Variants in USP42 observed in about 807,000 individuals in gnomAD.
The protein encoded by USP42 is ubiquitin carboxyl-terminal hydrolase 42.
A neutral mutation model predicts 113.0 loss-of-function variants in USP42; 23 were observed. That is an observed-to-expected ratio of 0.20 (90% CI 0.15 to 0.29). The LOEUF is 0.29. USP42 is among the 10% of genes least tolerant of loss of function. The pLI is 1.00. For synonymous variants in USP42, 933 were observed against 699.0 expected, an observed-to-expected ratio of 1.33 and a Z score of -5.28; for missense variants, 2,174 against 1,779.8, an observed-to-expected ratio of 1.22 and a Z score of -3.99.
At chr7:6,143,830 A>C (rs1480860255) in intron 8 of USP42, among the ~76,000 whole-genome samples, 1 of 152,106 alleles carries the variant, frequency 6.6e-6, no homozygotes, top group Non-Finnish European at 1.5e-5. Flanking sequence ...TAATTTTAAC[A>C]TTATTGGTGG....
In USP42 at chr7:6,157,292, A is replaced by G. The variant is rs1782509247; in HGVS notation, c.3943+237A>G. On this transcript the variant is annotated intron_variant, in intron 16 of 17. Coordinates refer to ENST00000306177, the MANE Select transcript of USP42 (RefSeq NM_032172.3). This position sits in a 1 kb window ranked among gnomAD's most constrained non-coding sequence, Gnocchi z 4.1. ...TAAGTGACACAGGACTGAGGGCAGCACTACCTGTGTCACCAAAGCCCTGGA... is the reference window on the plus strand; with the variant it reads ...TAAGTGACACAGGACTGAGGGCAGCGCTACCTGTGTCACCAAAGCCCTGGA... 2.5e-6 allele frequency: 3 copies of G among 1,214,498 alleles called. No homozygotes were observed. The highest frequency in any genetic ancestry group is 1.6e-5 in the African/African-American group (1 of 63,760). 75.2% of individuals were successfully genotyped at this position (1,214,498 alleles called of 1,614,324 possible).
At position 6,156,863 on chromosome 7, in the gene USP42, G is replaced by T. The variant is rs772312000; in HGVS notation, c.3751G>T (p.Val1251Phe). The T allele has an allele frequency of 3.1e-6, 5 of 1,611,938 alleles. No individual in the cohort carries two copies. Among genetic ancestry groups the T allele is most frequent in the Non-Finnish European group, 4.2e-6 (5 of 1,179,392 alleles). ...KRHSRKSEDF[V>F]KDSELHLPRV... ...ACATTCAAGAAAATCAGAGGACTTTGTTAAAGATTCAGAACTGCACTTACC... is the reference window on the plus strand; with the variant it reads ...ACATTCAAGAAAATCAGAGGACTTTTTTAAAGATTCAGAACTGCACTTACC... The change falls in exon 16 of 18, where the codon GTT (valine) becomes TTT (phenylalanine). Residue 1251 changes from valine to phenylalanine, a missense_variant. Coordinates refer to ENST00000306177, the MANE Select transcript of USP42 (RefSeq NM_032172.3).
At chr7:6,118,205 G>A (rs1047643908) in intron 3 of USP42, among the ~76,000 whole-genome samples, 1 of 152,010 alleles carries the variant, frequency 6.6e-6, no homozygotes, top group African/African-American at 2.4e-5. Flanking sequence ...ACTAGCCTGG[G>A]CAACGTAGGG....
In USP42 at chr7:6,161,377, G is replaced by T. The variant is rs1782776627; in HGVS notation, c.*859G>T. Reference sequence around the variant, plus strand: ...ATAATTCACTGGTCCTGCATCAGGAGATGGAGTGGGGAAAACTGTATTTAA... The same window carrying T: ...ATAATTCACTGGTCCTGCATCAGGATATGGAGTGGGGAAAACTGTATTTAA... On this transcript the variant is annotated 3_prime_UTR_variant, in exon 18 of 18. Transcript: ENST00000306177. 6.6e-6 allele frequency: 1 copy of T among 152,594 alleles called. No homozygotes were observed. Among genetic ancestry groups the T allele is most frequent in the African/African-American group, 2.4e-5 (1 of 41,424 alleles). 9.5% of individuals were successfully genotyped at this position (152,594 alleles called of 1,614,324 possible).
chr7:6,086,208 T>A, the USP42 span, among the ~76,000 whole-genome samples: 1 of 144,560 alleles, frequency 6.9e-6, no homozygotes, highest in African/African-American at 2.7e-5. Context: ...GCTAATTTTT[T>A]TTTTTTTTTT....
chr7:6,110,198 A>G (rs1487587680), intron 1 of USP42, among the ~76,000 whole-genome samples: 1 of 152,106 alleles, frequency 6.6e-6, no homozygotes, highest in African/African-American at 2.4e-5. Flanking sequence ...CGATTTTAGA[A>G]ATATCCCTAA....
chr7:6,147,023 T>C (rs1781754195), intron 11 of USP42, among the ~76,000 whole-genome samples: 1 of 152,224 alleles, frequency 6.6e-6, no homozygotes, highest in Non-Finnish European at 1.5e-5. Flanking sequence ...ACTCACTCGC[T>C]CCATTTTTGG....
chr7:6,159,024 A>G lies in USP42; in HGVS notation c.3944-426A>G, dbSNP rs1374598514. On this transcript the variant is annotated intron_variant, in intron 16 of 17. Coordinates refer to ENST00000306177, the MANE Select transcript of USP42 (RefSeq NM_032172.3). The surrounding 1 kb of genome is among the most constrained non-coding windows in gnomAD (Gnocchi z 4.1). ...TGCAGCTGGCGCTTCTGCTGCGAGC[A>G]GACTGAGGAGCCTTTCTTGTCCTTC... 2.6e-5 allele frequency among the ~76,000 whole-genome samples: 4 copies of G among 152,172 alleles called. No individual in the cohort carries two copies. The highest frequency in any genetic ancestry group is 2.1e-4 in the South Asian group (1 of 4,830).
chr7:6,112,998 G>T (rs1344477401), intron 2 of USP42, among the ~76,000 whole-genome samples: 1 of 150,894 alleles, frequency 6.6e-6, no homozygotes, highest in Non-Finnish European at 1.5e-5. Flanking sequence ...CTGCCTGCTG[G>T]GTTCAAGCAA....
the USP42 span, among the ~76,000 whole-genome samples, chr7:6,089,293 A>G: frequency 6.7e-6 from 1 of 148,370 alleles, no homozygotes; most frequent in African/African-American, 2.6e-5. Context: ...ATCTTAGGTG[A>G]TACACCCACC....
At position 6,158,635 on chromosome 7, in the gene USP42, G is replaced by C. The variant is rs1782600709; in HGVS notation, c.3944-815G>C. Among the ~76,000 whole-genome samples, 3 of 152,266 alleles carry C rather than the reference G, an allele frequency of 2.0e-5. No individual in the cohort carries two copies. The highest frequency in any genetic ancestry group is 4.4e-5 in the Non-Finnish European group (3 of 68,048). ...GGGGAAACAGCCGGAGATGAGGACAGGCACCAGCACTGCCGGTGAGGACGG... is the reference window on the plus strand; with the variant it reads ...GGGGAAACAGCCGGAGATGAGGACACGCACCAGCACTGCCGGTGAGGACGG... On this transcript the variant is annotated intron_variant, in intron 16 of 17. Coordinates refer to ENST00000306177, the MANE Select transcript of USP42 (RefSeq NM_032172.3). This position sits in a 1 kb window ranked among gnomAD's most constrained non-coding sequence, Gnocchi z 4.2.
At chr7:6,119,733 G>A (rs1219081028) in intron 3 of USP42, among the ~76,000 whole-genome samples, 1 of 151,294 alleles carries the variant, frequency 6.6e-6, no homozygotes, top group Non-Finnish European at 1.5e-5. Flanking sequence ...TGACATTCTT[G>A]CTCTGTTGCC....
intron 2 of USP42, 117 bp from the exon 3 acceptor site, chr7:6,115,206 T>C: frequency 1.0e-6 from 1 of 964,168 alleles, no homozygotes; most frequent in Non-Finnish European, 1.6e-6. Flanking sequence ...GTATTTCAGG[T>C]AGGCTGGTCA....
chr7:6,127,210 T>A (rs1780589843), intron 3 of USP42, among the ~76,000 whole-genome samples: 1 of 152,216 alleles, frequency 6.6e-6, no homozygotes, highest in African/African-American at 2.4e-5. Context: ...TGAGGATATG[T>A]GGTTTCCAAA....
At chr7:6,118,266 G>A (rs1051209230) in intron 3 of USP42, among the ~76,000 whole-genome samples, 2 of 151,952 alleles carry the variant, frequency 1.3e-5, no homozygotes, top group Non-Finnish European at 2.9e-5. Flanking sequence ...CAGGTGTGGT[G>A]GTTCATGTGT....
chr7:6,150,097 C>A lies in USP42; in HGVS notation c.1901C>A (p.Ser634Tyr), dbSNP rs1487887504. ...KENGIGTIVSSHSPGQDAEDE... is the reference protein window; with the variant it reads ...KENGIGTIVSYHSPGQDAEDE... ...AATGGGATTGGTACGATTGTGAGCT[C>A]CCACTCTCCCGGCCAAGATGCCGAA... The change falls in exon 13 of 18, where the codon TCC becomes TAC. Residue 634 changes from serine to tyrosine, a missense_variant. Coordinates refer to ENST00000306177, the MANE Select transcript of USP42 (RefSeq NM_032172.3). 1 of 1,610,874 alleles carries A rather than the reference C, an allele frequency of 6.2e-7. No homozygotes were observed. The highest frequency in any genetic ancestry group is 8.5e-7 in the Non-Finnish European group (1 of 1,178,564).
At chr7:6,149,336 G>A (rs1781902607) in intron 12 of USP42, among the ~76,000 whole-genome samples, 2 of 152,170 alleles carry the variant, frequency 1.3e-5, no homozygotes, top group South Asian at 2.1e-4. Flanking sequence ...GAGTTTGGTC[G>A]GAGGATTGTT....
the USP42 span, among the ~76,000 whole-genome samples, chr7:6,085,634 A>G: frequency 7.4e-6 from 1 of 134,556 alleles, no homozygotes; most frequent in African/African-American, 3.0e-5. Flanking sequence ...ATTTTTTTTG[A>G]GATGGAGTCT....
At chr7:6,096,313 A>G in the USP42 span, among the ~76,000 whole-genome samples, 1 of 151,216 alleles carries the variant, frequency 6.6e-6, no homozygotes, top group Non-Finnish European at 1.5e-5. Flanking sequence ...CACTGGGAGT[A>G]TTCTCCAAAG....
Sources: allele counts gnomAD v4.1 joint callset (sites outside exome capture counted in the v4.1 genomes callset), GRCh38; gene constraint gnomAD v4.1.1; non-coding constraint Gnocchi (gnomAD v3.1); transcripts MANE v1.5; gene names NCBI Gene and HGNC (gene_info 2026-07-23, HGNC 2026-07-21).